EYA1: variants seen among roughly 807,000 people sequenced by gnomAD.
The protein encoded by EYA1 is EYA transcriptional coactivator and phosphatase 1, also known as protein phosphatase EYA1.
A neutral mutation model predicts 82.0 loss-of-function variants in EYA1; 16 were observed. The observed-to-expected ratio is 0.20, with a 90% confidence interval of 0.13 to 0.30. The LOEUF (loss-of-function observed/expected upper bound fraction) is 0.30, where lower values mean the gene tolerates loss of function less well. EYA1 is among the 10% of genes least tolerant of loss of function. The pLI is 1.00. For missense variants in EYA1, 633 were observed against 730.7 expected, an observed-to-expected ratio of 0.87 and a Z score of 1.54; for synonymous variants, 261 against 264.4, an observed-to-expected ratio of 0.99 and a Z score of 0.12.
intron 2 of EYA1, among the ~76,000 whole-genome samples, chr8:71,429,927 T>G (rs921106574): frequency 6.6e-6 from 1 of 152,290 alleles, no homozygotes; most frequent in Admixed American, 6.5e-5. Context: ...ATGAATACAG[T>G]CAAGTCCTCT....
intron 2 of EYA1, among the ~76,000 whole-genome samples, chr8:71,517,101 A>G (rs1376651114): frequency 6.6e-6 from 1 of 151,836 alleles, no homozygotes; most frequent in Non-Finnish European, 1.5e-5. Flanking sequence ...TATCCCCATA[A>G]ATCTTTTTTT....
chr8:71,532,306 C>T (rs1177823515), intron 2 of EYA1, among the ~76,000 whole-genome samples: 2 of 152,114 alleles, frequency 1.3e-5, no homozygotes, highest in Non-Finnish European at 2.9e-5. Flanking sequence ...CTTAGCCTTT[C>T]CCCCAGAGAG....
intron 4 of EYA1, among the ~76,000 whole-genome samples, chr8:71,333,003 T>G (rs1011305603): frequency 3.3e-5 from 5 of 152,146 alleles, no homozygotes; most frequent in Non-Finnish European, 7.3e-5. Flanking sequence ...CTAGGTCCCT[T>G]CGTGGGTGTT....
At position 71,282,575 on chromosome 8, in the gene EYA1, T is replaced by C. The variant is rs80193638; in HGVS notation, c.827-10678A>G. Among the ~76,000 whole-genome samples, 1,336 of 152,298 alleles carry C rather than the reference T, an allele frequency of 8.8e-3. 17 individuals carry two copies. The highest frequency in any genetic ancestry group is 0.03 in the African/African-American group (1,241 of 41,562). ...TGATCATGGCTTCCTTCTGCAACACTTGTGTTCCTTGGCCTCTGAAAGGCC... is the reference window on the plus strand; with the variant it reads ...TGATCATGGCTTCCTTCTGCAACACCTGTGTTCCTTGGCCTCTGAAAGGCC... On this transcript the variant is annotated intron_variant, in intron 9 of 17. Coordinates refer to ENST00000340726, the MANE Select transcript of EYA1 (RefSeq NM_000503.6).
intron 2 of EYA1, among the ~76,000 whole-genome samples, chr8:71,506,537 G>C (rs1183566601): frequency 6.6e-6 from 1 of 152,124 alleles, no homozygotes; most frequent in East Asian, 1.9e-4. Context: ...ATTTGTTATT[G>C]TAATTTTGCA....
Position 71,317,591 on chromosome 8 carries a change from G to A in EYA1, c.517C>T (p.Pro173Ser). 1 of 1,614,084 alleles carries A rather than the reference G, an allele frequency of 6.2e-7. No individual in the cohort carries two copies. Among genetic ancestry groups the A allele is most frequent in the Non-Finnish European group, 8.5e-7 (1 of 1,179,978 alleles). ...FLSYGTSFST[P>S]QPGQAPYSYQ... ...CTGTATGGTGCCTGTCCAGGTTGAGGGGTACTGAAGCTTGTGCCATAGCTG... is the reference window on the plus strand; with the variant it reads ...CTGTATGGTGCCTGTCCAGGTTGAGAGGTACTGAAGCTTGTGCCATAGCTG... Residue 173 changes from proline to serine, a missense_variant, in exon 7 of 18, where the codon CCT becomes TCT. By Grantham distance (74) the Pro-to-Ser change is moderately conservative. Coordinates refer to ENST00000340726, the MANE Select transcript of EYA1 (RefSeq NM_000503.6).
chr8:71,547,796 C>T (rs1203308317), intron 1 of EYA1: 1 of 150,752 alleles, frequency 6.6e-6, no homozygotes, highest in Non-Finnish European at 1.5e-5. Context: ...AGCGCGGCCG[C>T]CGCGAGCCAC....
Position 71,244,640 on chromosome 8 carries a change from T to C in EYA1, c.1103A>G (p.Asn368Ser), listed in dbSNP as rs757164392. 2.5e-6 allele frequency: 4 copies of C among 1,610,298 alleles called. No homozygotes were observed. In the South Asian group the frequency reaches 3.3e-5, roughly 13 times the overall value. ...LGLRMEEMIF[N>S]LADTHLFFND... ...AAAAAATAAATGTGTGTCTGCCAAGTTGAAAATCATTTCTTCCATTCGCAG... is the reference window on the plus strand; with the variant it reads ...AAAAAATAAATGTGTGTCTGCCAAGCTGAAAATCATTTCTTCCATTCGCAG... Residue 368 changes from asparagine (N) to serine (S), a missense_variant, in exon 12 of 18, where the codon AAC (asparagine) becomes AGC (serine). By Grantham distance (46) the Asn-to-Ser change is conservative (BLOSUM62 1). Transcript: ENST00000340726.
At chr8:71,211,348 GCT>G in intron 16 of EYA1, 92 bp from the exon 17 acceptor site, 3 of 828,404 alleles carry the variant, frequency 3.6e-6, no homozygotes, top group Non-Finnish European at 6.2e-6. Flanking sequence ...CTTTCTTCAT[GCT>G]CTGATTCGAA....
At chr8:71,484,309 G>C (rs1220393199) in intron 2 of EYA1, among the ~76,000 whole-genome samples, 1 of 152,160 alleles carries the variant, frequency 6.6e-6, no homozygotes, top group East Asian at 1.9e-4. Flanking sequence ...AAAAGACCAG[G>C]TTTACTGAAA....
intron 2 of EYA1, among the ~76,000 whole-genome samples, chr8:71,436,465 A>G (rs1022970978): frequency 2.0e-5 from 3 of 152,288 alleles, no homozygotes; most frequent in Non-Finnish European, 2.9e-5. Context: ...TAATCAGGAG[A>G]GGCTGCACAC....
At chr8:71,440,588 T>G (rs1428255025) in intron 2 of EYA1, among the ~76,000 whole-genome samples, 3 of 152,108 alleles carry the variant, frequency 2.0e-5, no homozygotes, top group Non-Finnish European at 4.4e-5. Context: ...GGGATAGAAG[T>G]GCTGAGTTCA....
intron 2 of EYA1, among the ~76,000 whole-genome samples, chr8:71,399,202 C>T (rs777773197): frequency 3.3e-5 from 5 of 152,162 alleles, no homozygotes; most frequent in Non-Finnish European, 7.3e-5. Flanking sequence ...TCACGGCTTC[C>T]CTTTGCTAGG....
chr8:71,215,478 AGTT>A lies in EYA1; in HGVS notation c.1503_1505del (p.Thr503del). On this transcript the variant is annotated inframe_deletion, in exon 16 of 18. Coordinates refer to ENST00000340726, the MANE Select transcript of EYA1 (RefSeq NM_000503.6). ...TCGCCAATGCTGGGATGAGCTGAGT[AGTT>A]GTTACTAAAATATTCACACAGTTTG... The A allele has an allele frequency of 6.2e-7, 1 of 1,613,678 alleles. No homozygotes were observed. The highest frequency in any genetic ancestry group is 8.5e-7 in the Non-Finnish European group (1 of 1,179,538).
chr8:71,203,222 C>G (rs1174723558), intron 17 of EYA1, among the ~76,000 whole-genome samples: 1 of 152,108 alleles, frequency 6.6e-6, no homozygotes, highest in Non-Finnish European at 1.5e-5. Flanking sequence ...GGGAAAATGA[C>G]TCAGGGTTGC....
Position 71,303,973 on chromosome 8 carries a change from T to C in EYA1, c.557-4253A>G, listed in dbSNP as rs1428134526. 2.8e-5 allele frequency among the ~76,000 whole-genome samples: 4 copies of C among 142,288 alleles called. 2 individuals carry two copies. The highest frequency in any genetic ancestry group is 6.4e-5 in the Non-Finnish European group (4 of 62,726). 93.3% of individuals were successfully genotyped at this position (142,288 alleles called of 152,430 possible). A position where few individuals can be genotyped will look rare whatever the true frequency, so the allele number is the denominator to read the frequency against. ...GTTTTAAGGTCTATACAATGCTGTC[T>C]TGCCTCCTCTTGCTCGATTCTATAT... On this transcript the variant is annotated intron_variant, in intron 7 of 17. Coordinates refer to ENST00000340726, the MANE Select transcript of EYA1 (RefSeq NM_000503.6).
chr8:71,439,053 A>G (rs1806212704), intron 2 of EYA1, among the ~76,000 whole-genome samples: 1 of 152,138 alleles, frequency 6.6e-6, no homozygotes, highest in African/African-American at 2.4e-5. Flanking sequence ...GCAGGGACCC[A>G]AATATGAGGT....
chr8:71,262,956 A>T (rs1815317463), intron 11 of EYA1, among the ~76,000 whole-genome samples: 1 of 152,230 alleles, frequency 6.6e-6, no homozygotes, highest in Admixed American at 6.5e-5. Flanking sequence ...AAGAAAATAA[A>T]ATCAGGGCTC....
At chr8:71,252,003 T>C (rs765974612) in intron 11 of EYA1, among the ~76,000 whole-genome samples, 15 of 152,162 alleles carry the variant, frequency 9.9e-5, no homozygotes, top group Admixed American at 3.3e-4. Flanking sequence ...AAATCTGTAA[T>C]TGGGTTTGAA....
Sources: allele counts gnomAD v4.1 joint callset (sites outside exome capture counted in the v4.1 genomes callset), GRCh38; gene constraint gnomAD v4.1.1; transcripts MANE v1.5; gene names NCBI Gene and HGNC (gene_info 2026-07-23, HGNC 2026-07-21).